SLC12A6: variants seen among roughly 807,000 people sequenced by gnomAD.
The protein encoded by SLC12A6 is K-Cl cotransporter 3.
SLC12A6 carries 66 observed loss-of-function variants against 135.3 expected under a neutral mutation model. The ratio of observed to expected loss-of-function variants is 0.49; its 90% CI spans 0.40 to 0.60. The LOEUF (loss-of-function observed/expected upper bound fraction) is 0.60, where lower values mean the gene tolerates loss of function less well. Among genes scored for constraint, SLC12A6 ranks in the 20% least tolerant of loss-of-function variants. The pLI, the probability that SLC12A6 is intolerant of heterozygous loss-of-function variation, is 0.00. For missense variants in SLC12A6, 1,058 were observed against 1,452.3 expected (o/e 0.73, Z 4.41); for synonymous variants, 513 against 508.8 (o/e 1.01, Z -0.11).
chr15:34,334,421 T>C (rs1394516167), intron 2 of SLC12A6, among the ~76,000 whole-genome samples: 1 of 152,062 alleles, frequency 6.6e-6, no homozygotes, highest in Admixed American at 6.5e-5. Flanking sequence ...CAGCACCCTT[T>C]GAAGATCTAC....
chr15:34,294,018 T>C (rs1161314686), intron 2 of SLC12A6, among the ~76,000 whole-genome samples: 1 of 152,280 alleles, frequency 6.6e-6, no homozygotes, highest in Admixed American at 6.5e-5. Context: ...TGTATATTAA[T>C]TCACCAATCA....
At chr15:34,333,326 T>C (rs1184487237) in intron 2 of SLC12A6, among the ~76,000 whole-genome samples, 4 of 151,622 alleles carry the variant, frequency 2.6e-5, no homozygotes, top group African/African-American at 9.7e-5. Flanking sequence ...GCCTCCTGGA[T>C]TCAAGCAATT....
chr15:34,255,806 G>GC (rs201829510), intron 7 of SLC12A6, among the ~76,000 whole-genome samples: 36,384 of 142,894 alleles, frequency 0.25, 4,574 homozygotes, highest in South Asian at 0.36. Flanking sequence ...TGTCACCTCT[G>GC]TAAAAAAAAA....
intron 1 of SLC12A6, chr15:34,337,054 C>T: frequency 3.0e-6 from 1 of 334,172 alleles, no homozygotes; most frequent in South Asian, 2.5e-5. Context: ...CCTCCCTCCC[C>T]TCAGCCCCCA....
At chr15:34,287,972 CTTTAG>C (rs1330878481) in intron 2 of SLC12A6, among the ~76,000 whole-genome samples, 1 of 152,162 alleles carries the variant, frequency 6.6e-6, no homozygotes, top group Non-Finnish European at 1.5e-5. Flanking sequence ...TGCAGAAGCT[CTTTAG>C]TTTAATTAGA....
intron 16 of SLC12A6, among the ~76,000 whole-genome samples, chr15:34,242,695 T>G (rs1239233686): frequency 6.6e-6 from 1 of 152,112 alleles, no homozygotes; most frequent in African/African-American, 2.4e-5. Flanking sequence ...TTCTAAAAAT[T>G]TTATAAATAC....
chr15:34,333,948 TA>T (rs1204002406), intron 2 of SLC12A6, among the ~76,000 whole-genome samples: 1 of 151,682 alleles, frequency 6.6e-6, no homozygotes, highest in East Asian at 2.0e-4. Flanking sequence ...TGCATGCCTG[TA>T]ATCTCAGCTA....
At chr15:34,334,616 C>T (rs192226274) in intron 2 of SLC12A6, among the ~76,000 whole-genome samples, 2 of 152,186 alleles carry the variant, frequency 1.3e-5, no homozygotes, top group Admixed American at 6.5e-5. Context: ...TAAAGTTCCA[C>T]GAGAATAGGG....
In SLC12A6 at chr15:34,236,188, C is replaced by T. The variant is rs1179673943; in HGVS notation, c.3054G>A (p.Val1018=). ...KTERDREAQL[V]KDRNSMLRLT... ...ATCGTAGCATTGAGTTTCGGTCTTT[C>T]ACCAATTGTGCCTGAGGAAGAAGGT... Residue 1018 remains valine (V), a synonymous_variant, in exon 24 of 26, where the codon GTG becomes GTA. Transcript: ENST00000354181. 6.2e-7 allele frequency: 1 copy of T among 1,613,734 alleles called. No homozygotes were observed. The highest frequency in any genetic ancestry group is 2.2e-5 in the East Asian group (1 of 44,868).
At chr15:34,238,433 TC>T (rs751224530) in intron 20 of SLC12A6, 32 bp from the exon 21 acceptor site, 10 of 1,538,302 alleles carry the variant, frequency 6.5e-6, no homozygotes, top group Middle Eastern at 1.7e-4. Flanking sequence ...CAGAGAAGAA[TC>T]CTTAGGCTTG....
At chr15:34,285,748 T>TA (rs1363181355) in intron 2 of SLC12A6, among the ~76,000 whole-genome samples, 1 of 35,624 alleles carries the variant, frequency 2.8e-5, no homozygotes, top group Non-Finnish European at 5.4e-5. Flanking sequence ...ATTCAACCTT[T>TA]AAAAAGGAAG....
In SLC12A6 at chr15:34,229,910, C is replaced by T. The variant is rs201628991; in HGVS notation, c.*3971G>A. ...TTATGTTAAAAAGAACCAAAAGACT[C>T]TTTTCTCCATGGTGGGGTGACAGGT... On this transcript the variant is annotated 3_prime_UTR_variant, in exon 26 of 26. Coordinates refer to ENST00000354181, the MANE Select transcript of SLC12A6 (RefSeq NM_001365088.1). 3 of 847,588 alleles carry T rather than the reference C, an allele frequency of 3.5e-6. No individual in the cohort carries two copies. Among genetic ancestry groups the T allele is most frequent in the Middle Eastern group, 2.4e-4 (1 of 4,088 alleles). The allele number at this position is 847,588 out of a possible 1,614,324, so 52.5% of individuals were successfully genotyped here.
At chr15:34,337,924 C>T (rs1402623104), upstream of SLC12A6, 1 of 152,322 alleles carries the variant, frequency 6.6e-6, no homozygotes, top group Non-Finnish European at 1.5e-5. Context: ...CGCAGCCCTT[C>T]CCTTCCCTCC....
chr15:34,305,951 T>G (rs1896579888), intron 2 of SLC12A6, among the ~76,000 whole-genome samples: 1 of 152,002 alleles, frequency 6.6e-6, no homozygotes, highest in Non-Finnish European at 1.5e-5. Context: ...TTAGTAGAGA[T>G]GGGGTTTCCC....
In SLC12A6 at chr15:34,238,998, T is replaced by C; in HGVS notation, c.2599A>G (p.Ser867Gly). 6.2e-7 allele frequency: 1 copy of C among 1,614,192 alleles called. No homozygotes were observed. Among genetic ancestry groups the C allele is most frequent in the Non-Finnish European group, 8.5e-7 (1 of 1,180,026 alleles). ...GTCTTCCAAGCGCGGGCATCTTCGC[T>C]TTGACGCCAGCCATTAGGCCAGCCC... ...VMGWPNGWRQ[S>G]EDARAWKTFI... is the part of the protein sequence containing the mutation. Residue 867 changes from serine (S) to glycine (G), a missense_variant, in exon 20 of 26, where the codon AGC becomes GGC. Physicochemically the swap from Ser to Gly is moderately conservative, Grantham distance 56 (BLOSUM62 0). Coordinates refer to ENST00000354181, the MANE Select transcript of SLC12A6 (RefSeq NM_001365088.1).
At chr15:34,331,134 T>C (rs147995900) in intron 2 of SLC12A6, among the ~76,000 whole-genome samples, 1,798 of 152,266 alleles carry the variant, frequency 0.012, 14 homozygotes, top group Middle Eastern at 0.037. Context: ...TGACTAAAAA[T>C]GATAATTTTG....
At chr15:34,266,096 C>A (rs891574890) in intron 3 of SLC12A6, among the ~76,000 whole-genome samples, 2 of 142,170 alleles carry the variant, frequency 1.4e-5, no homozygotes, top group African/African-American at 5.3e-5. Flanking sequence ...ATGGTCCAAG[C>A]ATATCAATAA....
intron 2 of SLC12A6, among the ~76,000 whole-genome samples, 193 bp downstream of exon 2, chr15:34,336,217 C>T (rs947801695): frequency 6.6e-6 from 1 of 152,164 alleles, no homozygotes; most frequent in East Asian, 1.9e-4. Context: ...TTCCCACATA[C>T]CAAATTACTA....
intron 2 of SLC12A6, among the ~76,000 whole-genome samples, chr15:34,281,808 T>A (rs1487111840): frequency 3.3e-5 from 5 of 151,720 alleles, no homozygotes; most frequent in African/African-American, 1.2e-4. Flanking sequence ...AATAAATAAG[T>A]AAAAAATAGT....
Sources: gnomAD v4.1 joint callset for allele counts (sites outside exome capture counted in the v4.1 genomes callset) on GRCh38, gnomAD v4.1.1 for gene constraint, MANE v1.5 for transcripts, NCBI Gene and HGNC (gene_info 2026-07-23, HGNC 2026-07-21) for gene names.